AGBL1: variants seen among roughly 807,000 people sequenced by gnomAD.
The protein encoded by AGBL1 is cytosolic carboxypeptidase 4.
A neutral mutation model predicts 118.9 loss-of-function variants in AGBL1; 130 were observed. That is an observed-to-expected ratio of 1.09 (90% CI 0.95 to 1.26). The LOEUF is 1.26. Among genes scored for constraint, AGBL1 ranks in the 50% most tolerant of loss-of-function variants. The probability of loss-of-function intolerance (pLI) is 0.00; values close to 1 mark genes in which losing one functional copy is unlikely to be tolerated. For synonymous variants in AGBL1, 555 were observed against 478.9 expected (o/e 1.16, Z -2.08); for missense variants, 1,584 against 1,298.1 (o/e 1.22, Z -3.38).
At chr15:86,718,442 G>T (rs1337271363) in intron 22 of AGBL1, among the ~76,000 whole-genome samples, 1 of 152,084 alleles carries the variant, frequency 6.6e-6, no homozygotes, top group African/African-American at 2.4e-5. Context: ...TGTAAATGAC[G>T]AGTTAATGGG....
rs370875180 is a variant in AGBL1, at chr15:86,150,696, G to A, written c.263-3734G>A. On this transcript the variant is annotated intron_variant, in intron 3 of 22. Transcript: ENST00000614907. ...AGCCAAATTCTACCAGAGATACAAA[G>A]AGGAGCTTGTACCATTCGTTCTGAA... Among the ~76,000 whole-genome samples the A allele has an allele frequency of 2.0e-4, 30 of 152,268 alleles. No individual in the cohort carries two copies. The South Asian group carries it at 2.5e-3, about 13-fold the overall frequency.
intron 21 of AGBL1, among the ~76,000 whole-genome samples, chr15:86,607,072 C>G (rs1451081877): frequency 6.6e-6 from 1 of 152,150 alleles, no homozygotes; most frequent in Non-Finnish European, 1.5e-5. Context: ...CAGTATGAAG[C>G]CTTTTCAGAT....
At chr15:86,696,077 T>G (rs1194393184) in intron 22 of AGBL1, among the ~76,000 whole-genome samples, 1 of 152,066 alleles carries the variant, frequency 6.6e-6, no homozygotes, top group Non-Finnish European at 1.5e-5. Context: ...GTTAGAATGT[T>G]CTGTAAACAT....
chr15:86,247,639 G>A, intron 6 of AGBL1, 32 bp from the exon 7 acceptor site: 1 of 1,564,736 alleles, frequency 6.4e-7, no homozygotes, highest in Non-Finnish European at 8.7e-7. Flanking sequence ...TGGAGAGCCT[G>A]TGACTGACCC....
intron 22 of AGBL1, among the ~76,000 whole-genome samples, chr15:86,901,136 A>T (rs1456683352): frequency 6.6e-6 from 1 of 152,272 alleles, no homozygotes; most frequent in Admixed American, 6.5e-5. Flanking sequence ...TGACCATTCG[A>T]TGGTTTTCCA....
Position 86,499,305 on chromosome 15 carries a change from T to C in AGBL1, c.2556-23505T>C, listed in dbSNP as rs998890377. ...ATTGTTAATTCTGAGAATTGTCTAA[T>C]CTCTCCTCAAGAAGTGGGAGGCCTG... On this transcript the variant is annotated intron_variant, in intron 18 of 22. Coordinates refer to ENST00000614907, the MANE Select transcript of AGBL1 (RefSeq NM_001386094.1). Among the ~76,000 whole-genome samples the C allele has an allele frequency of 2.4e-4, 36 of 151,892 alleles. 1 individual carries two copies. Among genetic ancestry groups the C allele is most frequent in the African/African-American group, 8.0e-4 (33 of 41,408 alleles).
intron 23 of AGBL1, among the ~76,000 whole-genome samples, chr15:86,924,146 C>T (rs945345594): frequency 6.6e-6 from 1 of 152,206 alleles, no homozygotes; most frequent in African/African-American, 2.4e-5. Context: ...TATGCATGCA[C>T]ACATACATGT....
At chr15:86,715,779 C>T (rs2142703398) in intron 22 of AGBL1, among the ~76,000 whole-genome samples, 1 of 152,208 alleles carries the variant, frequency 6.6e-6, no homozygotes, top group African/African-American at 2.4e-5. Context: ...ATAAATCAGG[C>T]CGGGTGCGGT....
intron 23 of AGBL1, among the ~76,000 whole-genome samples, chr15:86,952,390 T>G (rs2080888785): frequency 6.6e-6 from 1 of 152,190 alleles, no homozygotes; most frequent in Non-Finnish European, 1.5e-5. Context: ...CATGATATCT[T>G]ATCCAATCTA....
At chr15:86,776,756 G>A (rs983989889) in intron 22 of AGBL1, among the ~76,000 whole-genome samples, 1,363 of 84,156 alleles carry the variant, frequency 0.016, 18 homozygotes, top group African/African-American at 0.089. Context: ...ATATATGTGT[G>A]TGTGTGTGTG....
At chr15:86,861,112 C>G (rs531842585) in intron 22 of AGBL1, among the ~76,000 whole-genome samples, 4 of 152,192 alleles carry the variant, frequency 2.6e-5, no homozygotes, top group African/African-American at 9.6e-5. Context: ...TTCCAAGCTC[C>G]CAGGCACTCC....
At chr15:86,356,652 G>C (rs1292602281) in intron 17 of AGBL1, among the ~76,000 whole-genome samples, 7 of 152,144 alleles carry the variant, frequency 4.6e-5, no homozygotes, top group African/African-American at 1.7e-4. Flanking sequence ...TTTACCCTGA[G>C]AATTGTACTG....
At chr15:86,124,578 G>A (rs1231621313) in intron 1 of AGBL1, among the ~76,000 whole-genome samples, 1 of 151,844 alleles carries the variant, frequency 6.6e-6, no homozygotes, top group African/African-American at 2.4e-5. Context: ...TTCTCTCCAC[G>A]CAGATTTCTC....
At chr15:86,572,533 G>A (rs1190889495) in intron 21 of AGBL1, among the ~76,000 whole-genome samples, 2 of 152,190 alleles carry the variant, frequency 1.3e-5, no homozygotes, top group Non-Finnish European at 2.9e-5. Flanking sequence ...TCTGGAGACT[G>A]TCCGCCTCCT....
chr15:86,408,094 C>T (rs2081557756), intron 18 of AGBL1, among the ~76,000 whole-genome samples: 1 of 152,130 alleles, frequency 6.6e-6, no homozygotes, highest in Admixed American at 6.5e-5. Flanking sequence ...TTCCCTGTCT[C>T]TATCTCTGTT....
intron 18 of AGBL1, among the ~76,000 whole-genome samples, chr15:86,433,730 C>A (rs1392823672): frequency 6.6e-6 from 1 of 152,162 alleles, no homozygotes; most frequent in African/African-American, 2.4e-5. Context: ...TTCAGCCTTT[C>A]TCTGTGAGAT....
At chr15:86,930,082 C>G (rs906249637) in intron 23 of AGBL1, among the ~76,000 whole-genome samples, 12 of 151,754 alleles carry the variant, frequency 7.9e-5, no homozygotes, top group Non-Finnish European at 1.2e-4. Flanking sequence ...TTGTCTTCCC[C>G]CAGATACTAC....
At chr15:86,372,979 C>T (rs1431751606) in intron 17 of AGBL1, among the ~76,000 whole-genome samples, 2 of 152,200 alleles carry the variant, frequency 1.3e-5, no homozygotes, top group East Asian at 3.8e-4. Flanking sequence ...ACTGATCTAA[C>T]CCTGTAACCC....
intron 21 of AGBL1, among the ~76,000 whole-genome samples, chr15:86,578,879 G>T (rs781748779): frequency 6.6e-6 from 1 of 152,206 alleles, no homozygotes; most frequent in Non-Finnish European, 1.5e-5. Flanking sequence ...GCTCAGTCTC[G>T]GGTATGTCTT....
Sources: allele counts gnomAD v4.1 joint callset (sites outside exome capture counted in the v4.1 genomes callset), GRCh38; gene constraint gnomAD v4.1.1; transcripts MANE v1.5; gene names NCBI Gene and HGNC (gene_info 2026-07-23, HGNC 2026-07-21).